Variants in CENPO observed in about 807,000 individuals in gnomAD.
CENPO encodes the protein centromeric protein O.
Under a neutral mutation model 36.1 loss-of-function variants are expected in CENPO, and 30 were observed. The observed-to-expected ratio is 0.83, with a 90% CI of 0.62 to 1.13. CENPO has a LOEUF of 1.13. Among genes scored for constraint, CENPO ranks in the 50% most tolerant of loss-of-function variants. The pLI, the probability that CENPO is intolerant of heterozygous loss-of-function variation, is 0.00. For synonymous variants in CENPO, 171 were observed against 142.3 expected (o/e 1.20, Z -1.44); for missense variants, 349 against 357.8 (o/e 0.98, Z 0.20).
chr2:24,814,530 C>A, intron 4 of CENPO, 37 bp downstream of exon 4: 2 of 961,274 alleles, frequency 2.1e-6, no homozygotes, highest in Non-Finnish European at 3.4e-6. Context: ...TAGTCTGGGT[C>A]TGCCTCTAGT....
chr2:24,813,032 C>T (rs189285366), intron 3 of CENPO, among the ~76,000 whole-genome samples: 53 of 151,302 alleles, frequency 3.5e-4, no homozygotes, highest in Non-Finnish European at 5.4e-4. Flanking sequence ...GATCATCTAA[C>T]GTCAGGAGTT....
rs1460993162 is a variant in CENPO, at chr2:24,793,903, G to T, written c.-17G>T. 5 of 1,614,168 alleles carry T rather than the reference G, an allele frequency of 3.1e-6. No individual in the cohort carries two copies. In the South Asian group the frequency reaches 4.4e-5, roughly 14 times the overall value. ...GTTGCCTAGACAACTTCATGGGAAGGCCCTTGGGAATCTGAGATGGAGCAG... is the reference window on the plus strand; with the variant it reads ...GTTGCCTAGACAACTTCATGGGAAGTCCCTTGGGAATCTGAGATGGAGCAG... On this transcript the variant is annotated 5_prime_UTR_variant, in exon 2 of 8. Transcript: ENST00000380834.
intron 3 of CENPO, among the ~76,000 whole-genome samples, chr2:24,803,037 TCTTC>T (rs1254705367): frequency 6.6e-6 from 1 of 152,238 alleles, no homozygotes; most frequent in East Asian, 1.9e-4. Flanking sequence ...AGGTTCAACT[TCTTC>T]CTGGTTTAGT....
In CENPO at chr2:24,819,942, T is replaced by G; in HGVS notation, c.*624T>G. The G allele has an allele frequency of 1.2e-6, 2 of 1,613,798 alleles. No individual in the cohort carries two copies. The highest frequency in any genetic ancestry group is 1.7e-6 in the Non-Finnish European group (2 of 1,179,888). On this transcript the variant is annotated 3_prime_UTR_variant, in exon 8 of 8. Coordinates refer to ENST00000380834, the MANE Select transcript of CENPO (RefSeq NM_001322101.2). The stretch of plus-strand genomic sequence containing the variant: ...CAGGCTCGAGGCCATTCAGGAGTTG[T>G]CCACCACCTGGTGGGGCAGTGTGAC...
intron 2 of CENPO, 56 bp downstream of exon 2, chr2:24,794,021 TGA>T: frequency 7.3e-7 from 1 of 1,362,936 alleles, no homozygotes; most frequent in South Asian, 1.2e-5. Context: ...ACCCGCAGGC[TGA>T]GAGAGCCCTT....
intron 2 of CENPO, among the ~76,000 whole-genome samples, chr2:24,799,315 C>T (rs1389082137): frequency 2.6e-5 from 4 of 152,020 alleles, no homozygotes; most frequent in African/African-American, 7.2e-5. Flanking sequence ...GGCTTCTCTC[C>T]GGCCTGTGGT....
intron 2 of CENPO, among the ~76,000 whole-genome samples, chr2:24,798,755 C>G (rs908310151): frequency 6.6e-6 from 1 of 151,984 alleles, no homozygotes; most frequent in African/African-American, 2.4e-5. Flanking sequence ...CCACCGTACC[C>G]GGCCCGATCT....
At chr2:24,817,577 C>G in intron 6 of CENPO, 93 bp from the exon 7 acceptor site, 1 of 1,525,950 alleles carries the variant, frequency 6.6e-7, no homozygotes, top group Non-Finnish European at 8.9e-7. Flanking sequence ...GCTCCGATTC[C>G]CCCAGCTGCA....
At chr2:24,809,309 A>AT (rs1217535142) in intron 3 of CENPO, among the ~76,000 whole-genome samples, 3 of 151,428 alleles carry the variant, frequency 2.0e-5, no homozygotes, top group African/African-American at 7.3e-5. Context: ...GGCTTTGCTG[A>AT]TTTTCTCTCG....
chr2:24,814,000 TG>T (rs1238250106), intron 3 of CENPO, among the ~76,000 whole-genome samples: 2 of 152,210 alleles, frequency 1.3e-5, no homozygotes, highest in Non-Finnish European at 2.9e-5. Flanking sequence ...CTTGGAGCCC[TG>T]GCACTTGAAA....
chr2:24,817,906 C>T, intron 7 of CENPO, 65 bp downstream of exon 7: 1 of 1,363,902 alleles, frequency 7.3e-7, no homozygotes, highest in Non-Finnish European at 1.0e-6. Flanking sequence ...GTACATCACC[C>T]TTCTGATGAA....
rs753928141 is a variant in CENPO at position 24,816,743 on chromosome 2, T to C, written c.692T>C (p.Phe231Ser). The C allele has an allele frequency of 1.7e-5, 28 of 1,612,742 alleles. No homozygotes were observed. Among genetic ancestry groups the C allele is most frequent in the Middle Eastern group, 1.6e-4 (1 of 6,080 alleles). The change falls in exon 6 of 8, where the codon TTC becomes TCC. Residue 231 changes from phenylalanine to serine, a missense_variant. Coordinates refer to ENST00000380834, the MANE Select transcript of CENPO (RefSeq NM_001322101.2). ...TYKLDPGGQSFPFCARLLYKD... is the reference protein window; with the variant it reads ...TYKLDPGGQSSPFCARLLYKD... The stretch of plus-strand genomic sequence containing the variant: ...AAACTGGATCCAGGGGGTCAGTCCT[T>C]CCCGTTCTGTGCTAGATTGCTGTAT...
intron 3 of CENPO, among the ~76,000 whole-genome samples, chr2:24,810,795 A>C (rs1033429769): frequency 6.6e-6 from 1 of 151,990 alleles, no homozygotes; most frequent in African/African-American, 2.4e-5. Context: ...GGTGTGAACC[A>C]CCGCACCCGG....
At chr2:24,798,853 T>C (rs1220926052) in intron 2 of CENPO, among the ~76,000 whole-genome samples, 2 of 152,134 alleles carry the variant, frequency 1.3e-5, no homozygotes, top group African/African-American at 2.4e-5. Context: ...GATAAGTTTT[T>C]GGATTCCGTC....
chr2:24,797,093 A>G (rs1665941912), intron 2 of CENPO, among the ~76,000 whole-genome samples: 1 of 152,236 alleles, frequency 6.6e-6, no homozygotes, highest in African/African-American at 2.4e-5. Context: ...GGAAACTTGT[A>G]ATAGGCCAGA....
In CENPO at chr2:24,799,001, T is replaced by C. The variant is rs1399725983; in HGVS notation, c.47-674T>C. Among the ~76,000 whole-genome samples the C allele has an allele frequency of 3.6e-4, 40 of 110,912 alleles. 1 individual carries two copies. The East Asian group carries it at 9.8e-3, about 27-fold the overall frequency. 72.8% of individuals were successfully genotyped at this position (110,912 alleles called of 152,430 possible). A position where few individuals can be genotyped will look rare whatever the true frequency, so the allele number is the denominator to read the frequency against. On this transcript the variant is annotated intron_variant, in intron 2 of 7. Coordinates refer to ENST00000380834, the MANE Select transcript of CENPO (RefSeq NM_001322101.2). ...TTTTTTTTTTTTTTTTTTTTTTTTT[T>C]TGGAGACAGTCTTGCTCTGTCCCCC... is the stretch of plus-strand genomic sequence containing the variant.
Position 24,817,692 on chromosome 2 carries a change from A to C in CENPO, c.789A>C (p.Ser263=), listed in dbSNP as rs147724377. ...TCQGVEVLST[S]WEEQRASHET... ...TAGGAGTGGAAGTATTATCCACTTC[A>C]TGGGAGGAGCAACGAGCATCTCATG... The change falls in exon 7 of 8, where the codon TCA becomes TCC. Residue 263 remains serine, a synonymous_variant. Transcript: ENST00000380834. 4.0e-4 allele frequency: 645 copies of C among 1,614,228 alleles called. 1 individual carries two copies. The highest frequency in any genetic ancestry group is 1.5e-3 in the South Asian group (136 of 91,084).
intron 3 of CENPO, among the ~76,000 whole-genome samples, chr2:24,813,661 G>A (rs948984486): frequency 3.3e-5 from 5 of 152,178 alleles, no homozygotes; most frequent in Admixed American, 1.3e-4. Flanking sequence ...ATCTTGGCCC[G>A]TAGAAAGTCT....
chr2:24,819,176 T>TTGA (rs1239942745), intron 7 of CENPO, 178 bp from the exon 8 acceptor site: 1 of 152,668 alleles, frequency 6.6e-6, no homozygotes, highest in Non-Finnish European at 1.5e-5. Context: ...CACTTTCAAG[T>TTGA]TGAATAAAGC....
Sources: allele counts gnomAD v4.1 joint callset (sites outside exome capture counted in the v4.1 genomes callset), GRCh38; gene constraint gnomAD v4.1.1; transcripts MANE v1.5; gene names NCBI Gene and HGNC (gene_info 2026-07-23, HGNC 2026-07-21).